The following R3HDM4 variants were observed in gnomAD, a reference collection of about 807,000 sequenced individuals.
The protein encoded by R3HDM4 is R3H domain containing 4.
R3HDM4 carries 30 observed loss-of-function variants against 31.3 expected under a neutral mutation model. The ratio of observed to expected loss-of-function variants is 0.96; its 90% confidence interval spans 0.72 to 1.30. The LOEUF is 1.30. R3HDM4 is among the 50% of genes most tolerant of loss of function. The pLI is 0.00. For synonymous variants in R3HDM4, 196 were observed against 156.6 expected (o/e 1.25, Z -1.88); for missense variants, 444 against 366.1 (o/e 1.21, Z -1.74).
intron 1 of R3HDM4, among the ~76,000 whole-genome samples, chr19:912,453 T>TG (rs1160885709): frequency 1.7e-5 from 1 of 58,912 alleles, no homozygotes; most frequent in Admixed American, 2.2e-4. Flanking sequence ...ACCGAGGAGT[T>TG]GGGGGGCTGA....
chr19:898,556 G>A (rs1425271282), intron 7 of R3HDM4, among the ~76,000 whole-genome samples: 5 of 151,872 alleles, frequency 3.3e-5, no homozygotes, highest in Non-Finnish European at 5.9e-5. Context: ...TAAAGATTAC[G>A]CCACTGCACT....
chr19:911,454 T>C (rs923652678), intron 1 of R3HDM4, among the ~76,000 whole-genome samples: 13 of 152,206 alleles, frequency 8.5e-5, no homozygotes, highest in African/African-American at 3.1e-4. Context: ...AAAATATTAA[T>C]ACTACTAAAA....
intron 1 of R3HDM4, among the ~76,000 whole-genome samples, chr19:904,103 C>T (rs557415067): frequency 4.6e-5 from 7 of 152,244 alleles, no homozygotes; most frequent in African/African-American, 1.7e-4. Flanking sequence ...GCTCACAAAC[C>T]CCCACACCAC....
In R3HDM4 at chr19:909,725, G is replaced by A. The variant is rs531115313; in HGVS notation, c.71+3362C>T. 2.0e-5 allele frequency among the ~76,000 whole-genome samples: 3 copies of A among 152,098 alleles called. No homozygotes were observed. The South Asian group carries it at 6.2e-4, about 32-fold the overall frequency. On this transcript the variant is annotated intron_variant, in intron 1 of 7. Coordinates refer to ENST00000361574, the MANE Select transcript of R3HDM4 (RefSeq NM_138774.4). ...GCAGGAGAATCGCTTGAACCTGGGA[G>A]GCAAAGGTTACCATGAGCTGAGATC... is the stretch of plus-strand genomic sequence containing the variant.
chr19:910,984 G>C (rs2036964612), intron 1 of R3HDM4, among the ~76,000 whole-genome samples: 1 of 151,970 alleles, frequency 6.6e-6, no homozygotes, highest in Admixed American at 6.6e-5. Context: ...AGCCGGGCGC[G>C]GTGGCGGGCA....
At chr19:909,498 G>T (rs1355373442) in intron 1 of R3HDM4, among the ~76,000 whole-genome samples, 1 of 152,106 alleles carries the variant, frequency 6.6e-6, no homozygotes, top group Non-Finnish European at 1.5e-5. Flanking sequence ...ACTACACCTG[G>T]GCTTCAAGAC....
rs1297938285 is a variant in R3HDM4 at position 897,515 on chromosome 19, C to G, written c.729G>C (p.Gln243His). 6.2e-7 allele frequency: 1 copy of G among 1,612,892 alleles called. No individual in the cohort carries two copies. Among genetic ancestry groups the G allele is most frequent in the East Asian group, 2.2e-5 (1 of 44,878 alleles). Reference protein sequence around the residue: ...SASADLEGKRQMKVSNRHLDF... With the variant: ...SASADLEGKRHMKVSNRHLDF... The stretch of plus-strand genomic sequence containing the variant: ...CCAGGTGCCGATTACTGACCTTCAT[C>G]TGCCGCTTCCCCTCCAGGTCAGCAC... Residue 243 changes from glutamine to histidine, a missense_variant, in exon 8 of 8, where the codon CAG becomes CAC. Transcript: ENST00000361574.
At chr19:898,439 A>G (rs146857774) in intron 7 of R3HDM4, among the ~76,000 whole-genome samples, 4,033 of 148,310 alleles carry the variant, frequency 0.027, 186 homozygotes, top group African/African-American at 0.096. Context: ...CGTCTCTACT[A>G]AAAATACAAA....
chr19:902,338 G>T (rs536609294), intron 1 of R3HDM4: 4 of 585,570 alleles, frequency 6.8e-6, no homozygotes, highest in Non-Finnish European at 1.2e-5. Flanking sequence ...GGCTGGGTGT[G>T]GTGGCTCATG....
intron 1 of R3HDM4, among the ~76,000 whole-genome samples, chr19:902,949 A>C (rs975696065): frequency 2.0e-5 from 3 of 152,182 alleles, no homozygotes; most frequent in Non-Finnish European, 2.9e-5. Context: ...CTCAAAAAAA[A>C]ACAAAAAACT....
chr19:913,057 G>GCCC lies in R3HDM4; in HGVS notation c.71+27_71+29dup. On this transcript the variant is annotated intron_variant, in intron 1 of 7. Transcript: ENST00000361574. The surrounding 1 kb of genome is among the most constrained non-coding windows in gnomAD (Gnocchi z 5.0). ...GGAGGGAGCCCAGCCCGCCCCCGGC[G>GCCC]CCCGCCGCGCCCCGCCCGCCCGCGC... The GCCC allele has an allele frequency of 2.3e-6, 2 of 875,494 alleles. No individual in the cohort carries two copies. Among genetic ancestry groups the GCCC allele is most frequent in the Non-Finnish European group, 2.8e-6 (2 of 717,752 alleles). The allele number at this position is 875,494 out of a possible 1,614,324, so 54.2% of individuals were successfully genotyped here.
intron 7 of R3HDM4, 128 bp from the exon 8 acceptor site, chr19:897,668 C>T: frequency 1.4e-6 from 1 of 716,406 alleles, no homozygotes; most frequent in Non-Finnish European, 2.3e-6. Flanking sequence ...GTGCTGGTCA[C>T]TGCGGCCTGG....
chr19:906,918 C>T (rs1039733222), intron 1 of R3HDM4, among the ~76,000 whole-genome samples: 1 of 152,046 alleles, frequency 6.6e-6, no homozygotes, highest in Non-Finnish European at 1.5e-5. Flanking sequence ...CTGGCTCAAC[C>T]GAGTCTCCTG....
intron 1 of R3HDM4, among the ~76,000 whole-genome samples, chr19:904,731 G>A (rs1235634056): frequency 1.3e-5 from 2 of 151,730 alleles, no homozygotes; most frequent in African/African-American, 2.4e-5. Flanking sequence ...AGATGAGATC[G>A]TACCACTGCA....
rs1240415865 is a variant in R3HDM4 at position 907,466 on chromosome 19, GAC to G, written c.72-5338_72-5337del. 6.6e-6 allele frequency among the ~76,000 whole-genome samples: 1 copy of G among 152,140 alleles called. No homozygotes were observed. Among genetic ancestry groups the G allele is most frequent in the Non-Finnish European group, 1.5e-5 (1 of 67,994 alleles). Reference sequence around the variant, plus strand: ...GAAGTCAGAGGGGGCGGGGCTCGGTGACACAGCTCAAGCCCTCCCAGCAAGGG... The same window carrying G: ...GAAGTCAGAGGGGGCGGGGCTCGGTGACAGCTCAAGCCCTCCCAGCAAGGG... On this transcript the variant is annotated intron_variant, in intron 1 of 7. Coordinates refer to ENST00000361574, the MANE Select transcript of R3HDM4 (RefSeq NM_138774.4). The surrounding 1 kb of genome is among the most constrained non-coding windows in gnomAD (Gnocchi z 4.1).
At chr19:901,914 A>G in intron 2 of R3HDM4, 62 bp downstream of exon 2, 1 of 1,592,280 alleles carries the variant, frequency 6.3e-7, no homozygotes, top group South Asian at 1.1e-5. Context: ...GATAACACCA[A>G]TATGCATGCC....
rs145372794 is a variant in R3HDM4 at position 904,982 on chromosome 19, G to C, written c.72-2852C>G. On this transcript the variant is annotated intron_variant, in intron 1 of 7. Coordinates refer to ENST00000361574, the MANE Select transcript of R3HDM4 (RefSeq NM_138774.4). ...AGCACTTTGGGAGGCCAAGGTAGGTGGATCACTTGAGGTCAGGAGTTCAAG... is the reference window on the plus strand; with the variant it reads ...AGCACTTTGGGAGGCCAAGGTAGGTCGATCACTTGAGGTCAGGAGTTCAAG... Among the ~76,000 whole-genome samples the C allele has an allele frequency of 4.7e-3, 713 of 152,258 alleles. 4 individuals are homozygous for C. Among genetic ancestry groups the C allele is most frequent in the Middle Eastern group, 0.014 (4 of 294 alleles).
chr19:902,427 T>C (rs777840973), intron 1 of R3HDM4: 7 of 276,408 alleles, frequency 2.5e-5, no homozygotes, highest in Non-Finnish European at 4.0e-5. Flanking sequence ...CTGAGCAACA[T>C]AGCAAGACTA....
intron 4 of R3HDM4, 45 bp from the exon 5 acceptor site, chr19:900,191 T>C: frequency 2.7e-6 from 4 of 1,475,096 alleles, no homozygotes; most frequent in Non-Finnish European, 3.6e-6. Flanking sequence ...GTGCTCGTCC[T>C]GGCCCTGCCC....
Sources: gnomAD v4.1 joint callset for allele counts (sites outside exome capture counted in the v4.1 genomes callset) on GRCh38, gnomAD v4.1.1 for gene constraint, Gnocchi (gnomAD v3.1) non-coding constraint, MANE v1.5 for transcripts, NCBI Gene and HGNC (gene_info 2026-07-23, HGNC 2026-07-21) for gene names.